Variants in GSDMC observed in about 807,000 individuals in gnomAD.
GSDMC encodes the protein gasdermin-C.
Under a neutral mutation model 58.0 loss-of-function variants are expected in GSDMC, and 59 were observed. That is an observed-to-expected ratio of 1.02 (90% CI 0.82 to 1.26). The LOEUF (loss-of-function observed/expected upper bound fraction) is 1.26. Ranked by LOEUF, GSDMC falls within the 50% of genes most tolerant of loss-of-function variation. The pLI is 0.00. For synonymous variants in GSDMC, 241 were observed against 220.2 expected (o/e 1.09, Z -0.83); for missense variants, 659 against 598.5 (o/e 1.10, Z -1.06).
At chr8:129,757,051 G>A (rs1314774213) in intron 6 of GSDMC, among the ~76,000 whole-genome samples, 1 of 151,534 alleles carries the variant, frequency 6.6e-6, no homozygotes, top group East Asian at 1.9e-4. Flanking sequence ...AAATAATAAA[G>A]ATCAGAGTAG....
the GSDMC span, among the ~76,000 whole-genome samples, chr8:129,737,280 G>A: frequency 1.3e-5 from 2 of 151,924 alleles, no homozygotes; most frequent in Non-Finnish European, 2.9e-5. Context: ...CACAGAATTG[G>A]AAAAAACTAC....
Position 129,749,972 on chromosome 8 carries a change from C to G in GSDMC, c.1213+18G>C. The stretch of plus-strand genomic sequence containing the variant: ...CCAATCTTGTGATTCTCCCATTCTT[C>G]CCTTTAATTACTCTTACCCATTATG... On this transcript the variant is annotated intron_variant, in intron 12 of 13. Transcript: ENST00000276708. 3 of 1,569,316 alleles carry G rather than the reference C, an allele frequency of 1.9e-6. No individual in the cohort carries two copies. Among genetic ancestry groups the G allele is most frequent in the Non-Finnish European group, 2.6e-6 (3 of 1,162,856 alleles).
intron 2 of GSDMC, among the ~76,000 whole-genome samples, chr8:129,776,709 G>C (rs10089884): frequency 0.15 from 22,675 of 151,324 alleles, 1,761 homozygotes; most frequent in South Asian, 0.22. Context: ...AGTTCCCAGG[G>C]ACATAACTGT....
chr8:129,749,919 T>C, intron 12 of GSDMC, 71 bp downstream of exon 12: 2 of 1,315,078 alleles, frequency 1.5e-6, no homozygotes, highest in Non-Finnish European at 2.1e-6. Context: ...ACACAGCATC[T>C]AACACAGCTT....
At chr8:129,746,594 G>A (rs77478820), downstream of GSDMC, among the ~76,000 whole-genome samples, 356 of 152,286 alleles carry the variant, frequency 2.3e-3, 10 homozygotes, top group Admixed American at 0.019. Flanking sequence ...GTGACATAGA[G>A]TGACTGAGAC....
At chr8:129,752,657 C>T in intron 7 of GSDMC, 41 bp downstream of exon 7, 1 of 1,609,120 alleles carries the variant, frequency 6.2e-7, no homozygotes, top group African/African-American at 1.3e-5. Flanking sequence ...CAAAGAAAAG[C>T]ATCAACATAG....
At chr8:129,750,639 C>T (rs2033153106) in intron 10 of GSDMC, 69 bp from the exon 11 acceptor site, 2 of 1,510,772 alleles carry the variant, frequency 1.3e-6, no homozygotes, top group East Asian at 2.3e-5. Context: ...CTTGGAATGA[C>T]AGCCTGTTTG....
At chr8:129,723,673 G>A in the GSDMC span, among the ~76,000 whole-genome samples, 1 of 152,114 alleles carries the variant, frequency 6.6e-6, no homozygotes, top group Non-Finnish European at 1.5e-5. Flanking sequence ...TGGTTCCTAG[G>A]CAGCCATTAC....
At chr8:129,722,591 C>T in the GSDMC span, among the ~76,000 whole-genome samples, 2 of 152,148 alleles carry the variant, frequency 1.3e-5, no homozygotes, top group Non-Finnish European at 2.9e-5. Context: ...TCATGAGCCC[C>T]ACTAGAATGC....
chr8:129,750,337 T>C, intron 11 of GSDMC, 94 bp downstream of exon 11: 1 of 1,309,750 alleles, frequency 7.6e-7, no homozygotes, highest in Non-Finnish European at 1.1e-6. Flanking sequence ...GCATCTTGCT[T>C]ATTCTTCCTC....
chr8:129,752,277 A>G (rs1223271672), intron 7 of GSDMC, 130 bp from the exon 8 acceptor site: 3 of 765,108 alleles, frequency 3.9e-6, no homozygotes, highest in Admixed American at 4.5e-5. Flanking sequence ...ATGTTCCATC[A>G]GTTCAGTTAA....
the GSDMC span, among the ~76,000 whole-genome samples, chr8:129,708,257 A>G: frequency 1.3e-5 from 2 of 152,242 alleles, no homozygotes; most frequent in Non-Finnish European, 2.9e-5. Flanking sequence ...AGCCAAGGGA[A>G]CAGTTCCTGA....
chr8:129,730,191 A>C, the GSDMC span: 1 of 1,195,974 alleles, frequency 8.4e-7, no homozygotes, highest in Non-Finnish European at 1.2e-6. Flanking sequence ...AAAACTGTAC[A>C]ACATGTATCT....
At chr8:129,709,188 A>AT in the GSDMC span, among the ~76,000 whole-genome samples, 1 of 144,838 alleles carries the variant, frequency 6.9e-6, no homozygotes. Context: ...TTTTTTTTTA[A>AT]TGTTTATCTA....
chr8:129,737,016 A>C, the GSDMC span, among the ~76,000 whole-genome samples: 36 of 152,228 alleles, frequency 2.4e-4, no homozygotes, highest in Non-Finnish European at 4.4e-4. Flanking sequence ...AAAGAGCCAA[A>C]TCATGAATGA....
At chr8:129,741,430 G>A in the GSDMC span, among the ~76,000 whole-genome samples, 1 of 152,038 alleles carries the variant, frequency 6.6e-6, no homozygotes, top group Admixed American at 6.6e-5. Context: ...ATCACTTTGG[G>A]TAGTAGGGAT....
the GSDMC span, among the ~76,000 whole-genome samples, chr8:129,707,805 T>G: frequency 6.6e-6 from 1 of 152,246 alleles, no homozygotes; most frequent in South Asian, 2.1e-4. Context: ...ATTCTTGGCA[T>G]AAGTGGTTGA....
At chr8:129,784,852 A>G (rs1361270793) in intron 1 of GSDMC, among the ~76,000 whole-genome samples, 2 of 152,238 alleles carry the variant, frequency 1.3e-5, no homozygotes, top group Non-Finnish European at 2.9e-5. Context: ...GCAAGTGTCC[A>G]TCAACAAATG....
Position 129,748,497 on chromosome 8 carries a change from G to A in GSDMC, c.*4C>T. The stretch of plus-strand genomic sequence containing the variant: ...CTCTGGACTGACTGCCCATCAGGGA[G>A]GGCTTAGGCCTCAGCCAGCTGCTGC... On this transcript the variant is annotated 3_prime_UTR_variant, in exon 14 of 14. Coordinates refer to ENST00000276708, the MANE Select transcript of GSDMC (RefSeq NM_031415.3). The A allele has an allele frequency of 1.3e-6, 2 of 1,597,068 alleles. No individual in the cohort carries two copies. Among genetic ancestry groups the A allele is most frequent in the Non-Finnish European group, 1.7e-6 (2 of 1,172,406 alleles).
Sources: gnomAD v4.1 joint callset for allele counts (sites outside exome capture counted in the v4.1 genomes callset) on GRCh38, gnomAD v4.1.1 for gene constraint, MANE v1.5 for transcripts, NCBI Gene and HGNC (gene_info 2026-07-23, HGNC 2026-07-21) for gene names.